Variants in TNFRSF8 observed in about 807,000 individuals in gnomAD.
TNFRSF8 encodes tumor necrosis factor receptor superfamily member 8.
TNFRSF8 carries 26 observed loss-of-function variants against 70.8 expected under a neutral mutation model. The ratio of observed to expected loss-of-function variants is 0.37; its 90% CI spans 0.27 to 0.51. TNFRSF8 has a LOEUF of 0.51. Among genes scored for constraint, TNFRSF8 ranks in the 20% least tolerant of loss-of-function variants. TNFRSF8 has a pLI of 0.94. For synonymous variants in TNFRSF8, 356 were observed against 339.2 expected (o/e 1.05, Z -0.54); for missense variants, 720 against 807.9 (o/e 0.89, Z 1.32).
chr1:12,104,601 G>A, intron 4 of TNFRSF8, 70 bp downstream of exon 4: 1 of 1,583,306 alleles, frequency 6.3e-7, no homozygotes, highest in Admixed American at 1.7e-5. Flanking sequence ...GCCCACCCCA[G>A]TGCACTGTTG....
At chr1:12,139,908 A>G (rs1190785464) in intron 14 of TNFRSF8, among the ~76,000 whole-genome samples, 2 of 152,238 alleles carry the variant, frequency 1.3e-5, no homozygotes, top group Non-Finnish European at 2.9e-5. Context: ...AAGTACTGGG[A>G]TTATAGGCAT....
chr1:12,132,783 A>G (rs988119321), intron 12 of TNFRSF8, among the ~76,000 whole-genome samples: 1 of 137,580 alleles, frequency 7.3e-6, no homozygotes, highest in African/African-American at 2.7e-5. Context: ...GGTTGCATTG[A>G]GCTGAGAACG....
intron 3 of TNFRSF8, among the ~76,000 whole-genome samples, chr1:12,100,775 G>A (rs1438515451): frequency 2.0e-5 from 3 of 152,070 alleles, no homozygotes; most frequent in Non-Finnish European, 2.9e-5. Context: ...TGGCCAACAT[G>A]GTGAAACCCC....
rs1021914453 is a variant in TNFRSF8 at position 12,110,565 on chromosome 1, G to T, written c.676+361G>T. On this transcript the variant is annotated intron_variant, in intron 6 of 14. Coordinates refer to ENST00000263932, the MANE Select transcript of TNFRSF8 (RefSeq NM_001243.5). The surrounding 1 kb of genome is among the most constrained non-coding windows in gnomAD (Gnocchi z 4.0). ...CACGTGTCCATCTGATGCCCTCCTG[G>T]TCTCCATGGCGAAGGGTCGACCCTC... Among the ~76,000 whole-genome samples the T allele has an allele frequency of 6.6e-6, 1 of 152,138 alleles. No homozygotes were observed. The highest frequency in any genetic ancestry group is 1.5e-5 in the Non-Finnish European group (1 of 68,020).
chr1:12,104,882 C>T (rs537751992), intron 4 of TNFRSF8, among the ~76,000 whole-genome samples: 2 of 152,304 alleles, frequency 1.3e-5, no homozygotes, highest in African/African-American at 4.8e-5. Context: ...TTGGGGTTGG[C>T]TTCCCCCTTT....
intron 1 of TNFRSF8, among the ~76,000 whole-genome samples, chr1:12,081,258 G>C (rs1401136760): frequency 1.3e-5 from 2 of 152,156 alleles, no homozygotes; most frequent in Non-Finnish European, 2.9e-5. Flanking sequence ...GGTCCCCATA[G>C]ACTCCGTAGC....
Position 12,112,876 on chromosome 1 carries a change from C to T in TNFRSF8, c.793+862C>T, listed in dbSNP as rs1004940100. 1.2e-4 allele frequency among the ~76,000 whole-genome samples: 19 copies of T among 152,168 alleles called. No homozygotes were observed. Among genetic ancestry groups the T allele is most frequent in the Admixed American group, 5.9e-4 (9 of 15,258 alleles). On this transcript the variant is annotated intron_variant, in intron 7 of 14. Coordinates refer to ENST00000263932, the MANE Select transcript of TNFRSF8 (RefSeq NM_001243.5). The surrounding 1 kb of genome is among the most constrained non-coding windows in gnomAD (Gnocchi z 5.3). ...GACTGTTAGAGGCCCTGGCTATTCACGGAGGCCACTGGGAATGTGTGTCTG... is the reference window on the plus strand; with the variant it reads ...GACTGTTAGAGGCCCTGGCTATTCATGGAGGCCACTGGGAATGTGTGTCTG...
Position 12,115,727 on chromosome 1 carries a change from A to C in TNFRSF8, c.944A>C (p.Gln315Pro). The C allele has an allele frequency of 1.2e-6, 2 of 1,613,922 alleles. No homozygotes were observed. The highest frequency in any genetic ancestry group is 4.5e-5 in the East Asian group (2 of 44,862). The change falls in exon 8 of 15, where the codon CAG becomes CCG. Residue 315 changes from glutamine (Q) to proline (P), a missense_variant and splice_region_variant. Transcript: ENST00000263932. ...GCAGCAGAGACGGTCACCAAGCCCC[A>C]GGGTAAGCAGTTCCCACCCCAGGCC... is the stretch of plus-strand genomic sequence containing the variant. ...ICAAETVTKP[Q>P]DMAEKDTTFE...
At chr1:12,123,663 C>A (rs1291637521) in intron 9 of TNFRSF8, 52 bp from the exon 10 acceptor site, 2 of 1,431,680 alleles carry the variant, frequency 1.4e-6, no homozygotes, top group Non-Finnish European at 1.9e-6. Flanking sequence ...TCCTGAAGAC[C>A]CACTTCCCTC....
chr1:12,086,436 TG>T (rs1045155279), intron 2 of TNFRSF8, among the ~76,000 whole-genome samples: 2 of 152,058 alleles, frequency 1.3e-5, no homozygotes, highest in African/African-American at 4.8e-5. Flanking sequence ...AGTGCTTCAC[TG>T]GTCGGCCATC....
At chr1:12,085,008 C>T (rs977279121) in intron 2 of TNFRSF8, among the ~76,000 whole-genome samples, 7 of 152,230 alleles carry the variant, frequency 4.6e-5, no homozygotes, top group Admixed American at 3.3e-4. Flanking sequence ...GGCTGGGGCC[C>T]AGGGCTCAGA....
intron 12 of TNFRSF8, among the ~76,000 whole-genome samples, chr1:12,128,431 C>A (rs1641982724): frequency 6.6e-6 from 1 of 152,232 alleles, no homozygotes; most frequent in African/African-American, 2.4e-5. Flanking sequence ...GATCGACCTT[C>A]CCGTGTGTGT....
At chr1:12,096,273 T>C (rs1372541139) in intron 2 of TNFRSF8, among the ~76,000 whole-genome samples, 1 of 152,162 alleles carries the variant, frequency 6.6e-6, no homozygotes, top group African/African-American at 2.4e-5. Flanking sequence ...GTGACTTGTT[T>C]ATCTCGAAAT....
At chr1:12,137,719 G>T (rs537710060) in intron 13 of TNFRSF8, among the ~76,000 whole-genome samples, 1 of 152,192 alleles carries the variant, frequency 6.6e-6, no homozygotes, top group East Asian at 1.9e-4. Context: ...TTTCCAGGAT[G>T]TCGGGGCTGG....
intron 13 of TNFRSF8, among the ~76,000 whole-genome samples, 193 bp downstream of exon 13, chr1:12,135,806 C>T (rs1428145441): frequency 6.6e-6 from 1 of 152,208 alleles, no homozygotes; most frequent in Non-Finnish European, 1.5e-5. Flanking sequence ...CCACAGGGAC[C>T]TCTGTGCACA....
At position 12,084,919 on chromosome 1, in the gene TNFRSF8, TG is replaced by T. The variant is rs569439668; in HGVS notation, c.151+372del. The stretch of plus-strand genomic sequence containing the variant: ...ACACTCAATTTGCAGATGAGGCTAC[TG>T]GGGCTTGGCAGGGTTAAGTTCCAGC... On this transcript the variant is annotated intron_variant, in intron 2 of 14. Coordinates refer to ENST00000263932, the MANE Select transcript of TNFRSF8 (RefSeq NM_001243.5). 4.6e-5 allele frequency among the ~76,000 whole-genome samples: 7 copies of T among 152,310 alleles called. No homozygotes were observed. The East Asian group carries it at 1.4e-3, about 29-fold the overall frequency.
chr1:12,121,721 C>A (rs1177589671), intron 8 of TNFRSF8, among the ~76,000 whole-genome samples: 2 of 152,180 alleles, frequency 1.3e-5, no homozygotes, highest in Non-Finnish European at 2.9e-5. Flanking sequence ...AATCCAGCCA[C>A]CCTTCCTAGG....
chr1:12,068,198 C>T (rs992733839), intron 1 of TNFRSF8, among the ~76,000 whole-genome samples: 6 of 152,150 alleles, frequency 3.9e-5, no homozygotes, highest in African/African-American at 1.4e-4. Context: ...GAAAATGGGG[C>T]TGAAGGATGA....
intron 12 of TNFRSF8, among the ~76,000 whole-genome samples, chr1:12,131,243 A>T (rs1285700390): frequency 1.3e-5 from 2 of 152,160 alleles, no homozygotes; most frequent in African/African-American, 2.4e-5. Context: ...TGAGGTCGAG[A>T]GTTCAAGACC....
Sources: allele counts gnomAD v4.1 joint callset (sites outside exome capture counted in the v4.1 genomes callset), GRCh38; gene constraint gnomAD v4.1.1; non-coding constraint Gnocchi (gnomAD v3.1); transcripts MANE v1.5; gene names NCBI Gene and HGNC (gene_info 2026-07-23, HGNC 2026-07-21).